The following SLC10A7 variants were observed in gnomAD, a reference collection of about 807,000 sequenced individuals.
SLC10A7 encodes the protein solute carrier family 10 member 7, also known as sodium/bile acid cotransporter 7.
SLC10A7 carries 29 observed loss-of-function variants against 43.2 expected under a neutral mutation model. The observed-to-expected ratio is 0.67, with a 90% CI of 0.50 to 0.92. SLC10A7 has a LOEUF of 0.92. SLC10A7 is among the 40% of genes least tolerant of loss of function. The pLI is 0.00. For synonymous variants in SLC10A7, 152 were observed against 144.8 expected, an observed-to-expected ratio of 1.05 and a Z score of -0.35; for missense variants, 295 against 403.2, an observed-to-expected ratio of 0.73 and a Z score of 2.30.
chr4:146,370,366 T>A (rs1736684606), intron 5 of SLC10A7, among the ~76,000 whole-genome samples: 1 of 152,186 alleles, frequency 6.6e-6, no homozygotes, highest in Admixed American at 6.5e-5. Context: ...TCCTTCAAAG[T>A]CCTTGGATAG....
intron 4 of SLC10A7, among the ~76,000 whole-genome samples, chr4:146,484,010 A>G (rs2149991694): frequency 6.6e-6 from 1 of 152,346 alleles, no homozygotes; most frequent in Middle Eastern, 3.4e-3. Context: ...GGGGAGAAAT[A>G]GATAGCAATG....
intron 8 of SLC10A7, among the ~76,000 whole-genome samples, chr4:146,293,500 A>C (rs1730578019): frequency 6.6e-6 from 1 of 152,162 alleles, no homozygotes; most frequent in African/African-American, 2.4e-5. Flanking sequence ...ATATGATGTA[A>C]ATATTCATAT....
intron 5 of SLC10A7, among the ~76,000 whole-genome samples, chr4:146,378,320 G>T (rs1405685597): frequency 6.6e-6 from 1 of 152,142 alleles, no homozygotes; most frequent in Non-Finnish European, 1.5e-5. Flanking sequence ...TAGAAAACAT[G>T]GGAGAATAAC....
chr4:146,257,354 G>C (rs1460286187), intron 11 of SLC10A7, among the ~76,000 whole-genome samples: 3 of 152,216 alleles, frequency 2.0e-5, no homozygotes, highest in African/African-American at 7.2e-5. Flanking sequence ...AACTGAATTA[G>C]TGAACATGTT....
At chr4:146,403,352 C>T (rs375978510) in intron 5 of SLC10A7, among the ~76,000 whole-genome samples, 34 of 152,250 alleles carry the variant, frequency 2.2e-4, no homozygotes, top group African/African-American at 7.9e-4. Flanking sequence ...TCCATAACCA[C>T]CTATAGCACA....
At chr4:146,389,203 C>T (rs1738238477) in intron 5 of SLC10A7, among the ~76,000 whole-genome samples, 1 of 152,022 alleles carries the variant, frequency 6.6e-6, no homozygotes, top group Non-Finnish European at 1.5e-5. Context: ...AAAATTTACC[C>T]ATTGGGTATA....
At chr4:146,498,399 T>A (rs143934711) in intron 4 of SLC10A7, among the ~76,000 whole-genome samples, 4,934 of 152,214 alleles carry the variant, frequency 0.032, 101 homozygotes, top group Non-Finnish European at 0.048. Flanking sequence ...ATTACAGACA[T>A]GAGCCACCGC....
At chr4:146,266,910 A>G (rs143707344) in intron 10 of SLC10A7, among the ~76,000 whole-genome samples, 1 of 152,194 alleles carries the variant, frequency 6.6e-6, no homozygotes. Flanking sequence ...ATAAAGAATA[A>G]AATAATATAA....
rs556278582 is a variant in SLC10A7, at chr4:146,409,771, C to T, written c.435+33012G>A. On this transcript the variant is annotated intron_variant, in intron 5 of 11. Transcript: ENST00000335472. ...CCTATATATTACATAAATTTTTAAG[C>T]TATAAATGTATATGGTAGAATTAAT... Among the ~76,000 whole-genome samples the T allele has an allele frequency of 2.0e-5, 3 of 152,164 alleles. No individual in the cohort carries two copies. The South Asian group carries it at 6.2e-4, about 32-fold the overall frequency.
chr4:146,286,991 G>T (rs1730042479), intron 9 of SLC10A7, among the ~76,000 whole-genome samples: 2 of 152,176 alleles, frequency 1.3e-5, no homozygotes, highest in East Asian at 3.9e-4. Context: ...ACTGTGTTTG[G>T]AGTGGTGAGA....
chr4:146,408,906 C>T (rs1727932496), intron 5 of SLC10A7, among the ~76,000 whole-genome samples: 1 of 152,010 alleles, frequency 6.6e-6, no homozygotes, highest in Admixed American at 6.6e-5. Flanking sequence ...AGAATTTCAG[C>T]CTCCTAGAAA....
chr4:146,443,803 G>A (rs920776590), intron 4 of SLC10A7, among the ~76,000 whole-genome samples: 3 of 152,216 alleles, frequency 2.0e-5, no homozygotes, highest in African/African-American at 4.8e-5. Context: ...AATGGGTAAT[G>A]AGATCCTCGG....
chr4:146,424,224 T>A (rs993743926), intron 5 of SLC10A7, among the ~76,000 whole-genome samples: 2 of 152,248 alleles, frequency 1.3e-5, no homozygotes, highest in African/African-American at 4.8e-5. Context: ...TCTAATTTTT[T>A]AATTTTTTGT....
At chr4:146,408,101 G>A (rs995101801) in intron 5 of SLC10A7, among the ~76,000 whole-genome samples, 1 of 152,104 alleles carries the variant, frequency 6.6e-6, no homozygotes, top group African/African-American at 2.4e-5. Context: ...AGAGCCTCCT[G>A]GAAATGCTTG....
chr4:146,504,461 G>A lies in SLC10A7; in HGVS notation c.321-537C>T, dbSNP rs528222577. ...GTGAACCTGGGAGGCAGAGTTTGCAGTGAGCCGAGATAGCGCCACTGCAGT... is the reference window on the plus strand; with the variant it reads ...GTGAACCTGGGAGGCAGAGTTTGCAATGAGCCGAGATAGCGCCACTGCAGT... On this transcript the variant is annotated intron_variant, in intron 3 of 11. Coordinates refer to ENST00000335472, the MANE Select transcript of SLC10A7 (RefSeq NM_001029998.6). 1.5e-3 allele frequency among the ~76,000 whole-genome samples: 220 copies of A among 143,432 alleles called. 1 individual carries two copies. Among genetic ancestry groups the A allele is most frequent in the African/African-American group, 5.4e-3 (208 of 38,490 alleles). The allele number at this position is 143,432 out of a possible 152,430, so 94.1% of individuals were successfully genotyped here.
At chr4:146,285,501 C>T (rs1315746764) in intron 9 of SLC10A7, among the ~76,000 whole-genome samples, 6 of 152,188 alleles carry the variant, frequency 3.9e-5, no homozygotes, top group African/African-American at 1.4e-4. Context: ...ATAAGACCTT[C>T]TGACTCTTAG....
chr4:146,404,989 G>C (rs1053856940), intron 5 of SLC10A7, among the ~76,000 whole-genome samples: 1 of 152,086 alleles, frequency 6.6e-6, no homozygotes, highest in Non-Finnish European at 1.5e-5. Flanking sequence ...TGTTACTAAC[G>C]AGTGACCTGG....
intron 4 of SLC10A7, among the ~76,000 whole-genome samples, chr4:146,491,321 A>C (rs1231917011): frequency 2.0e-5 from 3 of 152,234 alleles, no homozygotes; most frequent in Non-Finnish European, 4.4e-5. Flanking sequence ...ATAGGTGGCC[A>C]GAAATCCTCC....
intron 4 of SLC10A7, among the ~76,000 whole-genome samples, chr4:146,467,562 C>CTTTTTTTT (rs397995707): frequency 2.2e-5 from 2 of 92,832 alleles, no homozygotes; most frequent in Non-Finnish European, 3.9e-5. Context: ...TTCTTTCTCT[C>CTTTTTTTT]TTTTTTTTTT....
Sources: gnomAD v4.1 joint callset for allele counts (sites outside exome capture counted in the v4.1 genomes callset) on GRCh38, gnomAD v4.1.1 for gene constraint, MANE v1.5 for transcripts, NCBI Gene and HGNC (gene_info 2026-07-23, HGNC 2026-07-21) for gene names.